Variants in PROM1 observed in about 807,000 individuals in gnomAD.
The protein encoded by PROM1 is prominin-1.
In PROM1, 105 loss-of-function variants were observed where a neutral mutation model predicts 116.9. The observed-to-expected ratio is 0.90, with a 90% CI of 0.77 to 1.06. The LOEUF (loss-of-function observed/expected upper bound fraction) is 1.06. PROM1 is among the 50% of genes least tolerant of loss of function. The pLI, the probability that PROM1 is intolerant of heterozygous loss-of-function variation, is 0.00. For synonymous variants in PROM1, 393 were observed against 387.0 expected (o/e 1.02, Z -0.18); for missense variants, 1,122 against 1,045.2 (o/e 1.07, Z -1.01).
rs112557897 is a variant in PROM1 at position 15,981,521 on chromosome 4, G to A, written c.2374-984C>T. ...CAGGAGGCGGAGGTTGCAGTGAACC[G>A]AGATTGCACCACTGCACTCCAGCCT... On this transcript the variant is annotated intron_variant, in intron 23 of 27. Coordinates refer to ENST00000447510, the MANE Select transcript of PROM1 (RefSeq NM_006017.3). 9.9e-4 allele frequency among the ~76,000 whole-genome samples: 150 copies of A among 151,374 alleles called. 1 individual carries two copies. The highest frequency in any genetic ancestry group is 3.5e-3 in the African/African-American group (145 of 41,272).
At position 15,987,659 on chromosome 4, in the gene PROM1, T is replaced by G. The variant is rs1719802872; in HGVS notation, c.2130+4A>C. On this transcript the variant is annotated splice_donor_region_variant and intron_variant, in intron 20 of 27. Transcript: ENST00000447510. Reference sequence around the variant, plus strand: ...CCATGACAGAAAACAAAGTAAACCCTTACCAACAATCCATTCCCTGTGCGT... The same window carrying G: ...CCATGACAGAAAACAAAGTAAACCCGTACCAACAATCCATTCCCTGTGCGT... The G allele has an allele frequency of 1.2e-6, 2 of 1,609,878 alleles. No homozygotes were observed. The highest frequency in any genetic ancestry group is 1.7e-6 in the Non-Finnish European group (2 of 1,178,072).
rs774705029 is a variant in PROM1, at chr4:15,991,252, T to C, written c.1953A>G (p.Ala651=). The C allele has an allele frequency of 2.5e-6, 4 of 1,608,270 alleles. No individual in the cohort carries two copies. The highest frequency in any genetic ancestry group is 3.4e-5 in the Admixed American group (2 of 58,744). The part of the protein sequence containing the change: ...SPAGVNLLSF[A]YDLEAKANSL... ...TGTTTGCTTTTGCTTCTAGATCATA[T>C]GCAAATGATAAAAGATTCACTCCTG... The change falls in exon 18 of 28, where the codon GCA becomes GCG. Residue 651 remains alanine (A), a synonymous_variant. Coordinates refer to ENST00000447510, the MANE Select transcript of PROM1 (RefSeq NM_006017.3).
At chr4:16,065,210 T>A (rs1293177665) in intron 2 of PROM1, among the ~76,000 whole-genome samples, 1 of 152,124 alleles carries the variant, frequency 6.6e-6, no homozygotes, top group African/African-American at 2.4e-5. Flanking sequence ...GCATGCCATA[T>A]GCCTCCAAGC....
intron 19 of PROM1, among the ~76,000 whole-genome samples, 185 bp from the exon 20 acceptor site, chr4:15,987,901 G>C (rs1719880089): frequency 7.2e-6 from 1 of 138,990 alleles, no homozygotes; most frequent in East Asian, 2.1e-4. Context: ...TTTTGAGATG[G>C]AGTCTCGCTC....
At chr4:16,057,297 T>C (rs1739275360) in intron 2 of PROM1, among the ~76,000 whole-genome samples, 1 of 152,180 alleles carries the variant, frequency 6.6e-6, no homozygotes, top group Non-Finnish European at 1.5e-5. Context: ...CAAGAGGATA[T>C]AAAAACGTAT....
intron 26 of PROM1, chr4:15,971,479 C>G (rs1450829209): frequency 6.1e-6 from 1 of 164,964 alleles, no homozygotes; most frequent in Non-Finnish European, 1.3e-5. Context: ...AATGGAAGTT[C>G]CGCAGGGACC....
At position 16,048,862 on chromosome 4, in the gene PROM1, G is replaced by A. The variant is rs558007447; in HGVS notation, c.221-9861C>T. Among the ~76,000 whole-genome samples the A allele has an allele frequency of 2.6e-5, 4 of 152,326 alleles. No individual in the cohort carries two copies. The East Asian group carries it at 5.8e-4, about 22-fold the overall frequency. On this transcript the variant is annotated intron_variant, in intron 2 of 27. Transcript: ENST00000447510. ...GACTGTGATTTTACTTTACCTGGATGTAGCATGTGGTACAGCCCAGCCCGT... is the reference window on the plus strand; with the variant it reads ...GACTGTGATTTTACTTTACCTGGATATAGCATGTGGTACAGCCCAGCCCGT...
chr4:16,012,174 T>C (rs1012550699), intron 11 of PROM1, among the ~76,000 whole-genome samples: 1 of 152,130 alleles, frequency 6.6e-6, no homozygotes, highest in African/African-American at 2.4e-5. Flanking sequence ...TTTTTGTATT[T>C]TTAGTAGAGA....
At chr4:15,969,511 T>A (rs538201219) in intron 27 of PROM1, 143 bp from the exon 28 acceptor site, 86 of 152,336 alleles carry the variant, frequency 5.6e-4, no homozygotes, top group African/African-American at 1.9e-3. Flanking sequence ...CACAGCAATA[T>A]GTTTGTTGCA....
Position 16,076,024 on chromosome 4 carries a change from T to C in PROM1, c.-118A>G. On this transcript the variant is annotated 5_prime_UTR_variant, in exon 2 of 28. Transcript: ENST00000447510. ...CAGAAGAGGAGCAGGAAGCACTGGA[T>C]CTGCTGAATCTTCAGTTTTCTGTCT... is the stretch of plus-strand genomic sequence containing the variant. The C allele has an allele frequency of 1.4e-6, 2 of 1,444,358 alleles. No individual in the cohort carries two copies. The highest frequency in any genetic ancestry group is 5.6e-5 in the Admixed American group (2 of 35,616). The allele number at this position is 1,444,358 out of a possible 1,614,324, so 89.5% of individuals were successfully genotyped here.
chr4:16,003,029 A>T (rs1273949166), intron 13 of PROM1, among the ~76,000 whole-genome samples: 2 of 152,198 alleles, frequency 1.3e-5, no homozygotes, highest in Non-Finnish European at 2.9e-5. Context: ...CAGAACCTAA[A>T]ATATTTATTA....
chr4:16,081,044 CATATAT>C (rs896780579), intron 1 of PROM1, among the ~76,000 whole-genome samples: 13 of 150,140 alleles, frequency 8.7e-5, no homozygotes, highest in African/African-American at 2.9e-4. Flanking sequence ...TATACATATA[CATATAT>C]ATATGTATAT....
intron 9 of PROM1, among the ~76,000 whole-genome samples, 186 bp from the exon 10 acceptor site, chr4:16,016,426 T>A (rs893958980): frequency 1.3e-5 from 2 of 152,180 alleles, no homozygotes; most frequent in African/African-American, 4.8e-5. Flanking sequence ...TGACAAGCAC[T>A]AATTTTTTGA....
chr4:16,035,672 G>A, intron 4 of PROM1, 63 bp downstream of exon 4: 1 of 1,427,504 alleles, frequency 7.0e-7, no homozygotes, highest in South Asian at 1.1e-5. Flanking sequence ...TCACAGTGAG[G>A]ATGACAGTGA....
chr4:16,023,506 C>A, intron 7 of PROM1, 91 bp from the exon 8 acceptor site: 1 of 1,065,318 alleles, frequency 9.4e-7, no homozygotes. Flanking sequence ...TCAAGCCCCT[C>A]CTGCTGCAAA....
At position 15,979,378 on chromosome 4, in the gene PROM1, T is replaced by G. The variant is rs781497066; in HGVS notation, c.2582+17A>C. The G allele has an allele frequency of 1.2e-6, 2 of 1,613,766 alleles. No individual in the cohort carries two copies. The highest frequency in any genetic ancestry group is 4.5e-5 in the East Asian group (2 of 44,846). ...GTTTATCATAGGGCGGGCATGCACT[T>G]CCAGACTTTGCTTTACCTTGTCATA... On this transcript the variant is annotated intron_variant, in intron 26 of 27. Transcript: ENST00000447510.
At chr4:16,025,387 G>A in intron 5 of PROM1, 75 bp from the exon 6 acceptor site, 2 of 1,568,314 alleles carry the variant, frequency 1.3e-6, no homozygotes, top group Admixed American at 3.4e-5. Flanking sequence ...CCAGGCAGCA[G>A]AGCAGGAGTC....
chr4:15,991,140 T>A, intron 18 of PROM1, 82 bp downstream of exon 18: 1 of 1,161,724 alleles, frequency 8.6e-7, no homozygotes, highest in Non-Finnish European at 1.2e-6. Context: ...GTGAGGAACC[T>A]CTCCAGCAGC....
intron 3 of PROM1, among the ~76,000 whole-genome samples, chr4:16,036,877 G>C (rs1734055838): frequency 6.6e-6 from 1 of 152,192 alleles, no homozygotes; most frequent in Admixed American, 6.5e-5. Context: ...GCATGGTCCA[G>C]TTCCACATCT....
Sources: allele counts gnomAD v4.1 joint callset (sites outside exome capture counted in the v4.1 genomes callset), GRCh38; gene constraint gnomAD v4.1.1; transcripts MANE v1.5; gene names NCBI Gene and HGNC (gene_info 2026-07-23, HGNC 2026-07-21).